SRGAP2: variants seen among roughly 807,000 people sequenced by gnomAD.
The protein encoded by SRGAP2 is SLIT-ROBO Rho GTPase-activating protein 2.
In SRGAP2, 15 loss-of-function variants were observed where a neutral mutation model predicts 57.2. The observed-to-expected ratio is 0.26, with a 90% confidence interval of 0.18 to 0.40. The LOEUF is 0.40. Among genes scored for constraint, SRGAP2 ranks in the 10% least tolerant of loss-of-function variants. The probability of loss-of-function intolerance (pLI) is 1.00; values close to 1 mark genes in which losing one functional copy is unlikely to be tolerated. For synonymous variants in SRGAP2, 249 were observed against 248.0 expected, an observed-to-expected ratio of 1.00 and a Z score of -0.04; for missense variants, 520 against 669.6, an observed-to-expected ratio of 0.78 and a Z score of 2.47.
At chr1:206,299,916 CTCT>C (rs1245524136) in intron 2 of SRGAP2, among the ~76,000 whole-genome samples, 7 of 142,734 alleles carry the variant, frequency 4.9e-5, no homozygotes, top group African/African-American at 1.8e-4. Flanking sequence ...CTTCCTCTTC[CTCT>C]TCTTCTTTTT....
chr1:206,375,694 C>G lies in SRGAP2; in HGVS notation c.424-8320C>G, dbSNP rs182942366. On this transcript the variant is annotated intron_variant, in intron 4 of 22. Transcript: ENST00000573034. ...CCGTTAGCCTCTTCCTGACCCCACCCTGAACTCCCCTGAACTCCCACCCTT... is the reference window on the plus strand; with the variant it reads ...CCGTTAGCCTCTTCCTGACCCCACCGTGAACTCCCCTGAACTCCCACCCTT... 2.6e-3 allele frequency among the ~76,000 whole-genome samples: 391 copies of G among 152,144 alleles called. 2 individuals carry two copies. The highest frequency in any genetic ancestry group is 8.6e-3 in the African/African-American group (356 of 41,518).
At chr1:206,347,414 CA>C in intron 4 of SRGAP2, among the ~76,000 whole-genome samples, 1 of 149,350 alleles carries the variant, frequency 6.7e-6, no homozygotes, top group Admixed American at 6.6e-5. Context: ...CCCGTCTCTA[CA>C]AAAACACAAA....
At chr1:206,435,898 G>T (rs782297941) in intron 14 of SRGAP2, among the ~76,000 whole-genome samples, 1 of 151,902 alleles carries the variant, frequency 6.6e-6, no homozygotes, top group Non-Finnish European at 1.5e-5. Flanking sequence ...AGAAATTCTT[G>T]TGCACATTAT....
intron 4 of SRGAP2, among the ~76,000 whole-genome samples, chr1:206,373,692 GCCA>G (rs1414831426): frequency 1.5e-5 from 1 of 67,660 alleles, no homozygotes; most frequent in African/African-American, 6.1e-5. Flanking sequence ...CCGAGATGGC[GCCA>G]CTGCACTCCA....
chr1:206,386,920 C>T (rs1182021850), intron 5 of SRGAP2, among the ~76,000 whole-genome samples: 1 of 151,500 alleles, frequency 6.6e-6, no homozygotes, highest in Non-Finnish European at 1.5e-5. Context: ...GTCAGGAGAT[C>T]GAGACCATCC....
chr1:206,429,386 A>G (rs1661095303), intron 13 of SRGAP2, among the ~76,000 whole-genome samples: 1 of 152,270 alleles, frequency 6.6e-6, no homozygotes, highest in Non-Finnish European at 1.5e-5. Flanking sequence ...ATGTGAGAGC[A>G]TCATGGCCAA....
intron 2 of SRGAP2, among the ~76,000 whole-genome samples, chr1:206,302,051 C>A (rs1412175096): frequency 2.0e-5 from 3 of 151,900 alleles, no homozygotes; most frequent in Non-Finnish European, 2.9e-5. Context: ...AGCATTGTTG[C>A]AACTGTGCTA....
chr1:206,243,441 A>G (rs1668360188), intron 2 of SRGAP2, among the ~76,000 whole-genome samples: 1 of 151,974 alleles, frequency 6.6e-6, no homozygotes, highest in Non-Finnish European at 1.5e-5. Flanking sequence ...ATGGGGTGCT[A>G]TTCTTAGCTG....
Position 206,454,186 on chromosome 1 carries a change from G to C in SRGAP2, c.2361-692G>C. On this transcript the variant is annotated intron_variant, in intron 20 of 22. Transcript: ENST00000573034. The surrounding 1 kb of genome is among the most constrained non-coding windows in gnomAD (Gnocchi z 4.3). ...GTCTGCACCCTCCCAGCCTCTTCCC[G>C]GCTCGTTCTGCAGGGAAATCCTCCC... The C allele has an allele frequency of 1.4e-6, 1 of 702,188 alleles. No individual in the cohort carries two copies. Among genetic ancestry groups the C allele is most frequent in the Non-Finnish European group, 2.6e-6 (1 of 384,850 alleles). The allele number at this position is 702,188 out of a possible 1,614,324, so 43.5% of individuals were successfully genotyped here. A position where few individuals can be genotyped will look rare whatever the true frequency, so the allele number is the denominator to read the frequency against.
chr1:206,445,727 C>T (rs1483179339), intron 17 of SRGAP2, among the ~76,000 whole-genome samples: 1 of 152,182 alleles, frequency 6.6e-6, no homozygotes, highest in Non-Finnish European at 1.5e-5. Flanking sequence ...CCATATTCAG[C>T]TCTGCAGAGT....
intron 13 of SRGAP2, among the ~76,000 whole-genome samples, chr1:206,426,935 C>T (rs140455197): frequency 1.2e-4 from 18 of 152,092 alleles, no homozygotes; most frequent in Non-Finnish European, 4.4e-5. Context: ...CTCTGTTGAT[C>T]GTTTCCTTTG....
rs1224060252 is a variant in SRGAP2 at position 206,306,445 on chromosome 1, G to A, written c.260+2972G>A. 2.6e-5 allele frequency among the ~76,000 whole-genome samples: 4 copies of A among 152,294 alleles called. No individual in the cohort carries two copies. In the South Asian group the frequency reaches 6.2e-4, roughly 24 times the overall value. On this transcript the variant is annotated intron_variant, in intron 3 of 22. Coordinates refer to ENST00000573034, the MANE Select transcript of SRGAP2 (RefSeq NM_015326.5). ...CAGGAGTGAAGCTGCAGATCTTTGC[G>A]GTGAGTGTTACAGCTCATAAAAGCA...
At chr1:206,415,739 G>T (rs1659646041) in intron 10 of SRGAP2, 150 bp from the exon 11 acceptor site, 2 of 655,982 alleles carry the variant, frequency 3.0e-6, no homozygotes, top group Non-Finnish European at 5.5e-6. Flanking sequence ...CATATGATCA[G>T]TGCCTTAAAG....
Position 206,281,774 on chromosome 1 carries a change from G to A in SRGAP2, c.68-21507G>A, listed in dbSNP as rs1198955349. The stretch of plus-strand genomic sequence containing the variant: ...GCTGAGATCACACCACTGCACTCTA[G>A]CCTGGGTGACAAAGCAAGACTCTGT... On this transcript the variant is annotated intron_variant, in intron 2 of 22. Transcript: ENST00000573034. Among the ~76,000 whole-genome samples the A allele has an allele frequency of 7.4e-3, 831 of 112,236 alleles. 5 individuals carry two copies. Among genetic ancestry groups the A allele is most frequent in the Middle Eastern group, 0.016 (4 of 254 alleles). The allele number at this position is 112,236 out of a possible 152,430, so 73.6% of individuals were successfully genotyped here.
chr1:206,446,548 C>T (rs1662776295), intron 18 of SRGAP2, among the ~76,000 whole-genome samples: 1 of 152,198 alleles, frequency 6.6e-6, no homozygotes, highest in Non-Finnish European at 1.5e-5. Flanking sequence ...AAGATATTGA[C>T]AACATTAATT....
rs1216646517 is a variant in SRGAP2, at chr1:206,372,954, T to C, written c.424-11060T>C. Among the ~76,000 whole-genome samples the C allele has an allele frequency of 5.2e-4, 4 of 7,736 alleles. 1 individual carries two copies. Among genetic ancestry groups the C allele is most frequent in the Middle Eastern group, 0.029 (1 of 34 alleles). The allele number at this position is 7,736 out of a possible 152,430, so 5.1% of individuals were successfully genotyped here. On this transcript the variant is annotated intron_variant, in intron 4 of 22. Coordinates refer to ENST00000573034, the MANE Select transcript of SRGAP2 (RefSeq NM_015326.5). ...TTCTTTCTTTCTTTCTTTCTTTCTTTCTTTTCTTTCCTTTCTTTCTTTCTT... is the reference window on the plus strand; with the variant it reads ...TTCTTTCTTTCTTTCTTTCTTTCTTCCTTTTCTTTCCTTTCTTTCTTTCTT...
chr1:206,230,110 C>T (rs80172280), intron 2 of SRGAP2, among the ~76,000 whole-genome samples: 9 of 152,184 alleles, frequency 5.9e-5, no homozygotes, highest in African/African-American at 2.2e-4. Context: ...TTTGTCCCTT[C>T]GTAAACTGAT....
In SRGAP2 at chr1:206,461,120, G is replaced by A. The variant is rs1553380446; in HGVS notation, c.2916G>A (p.Val972=). 2 of 779,996 alleles carry A rather than the reference G, an allele frequency of 2.6e-6. No individual in the cohort carries two copies. The highest frequency in any genetic ancestry group is 3.4e-5 in the Admixed American group (2 of 58,980). The allele number at this position is 779,996 out of a possible 1,614,324, so 48.3% of individuals were successfully genotyped here. ...RQSSVKHTPD[V]VLDTLEPLKT... is the part of the protein sequence containing the mutation. The stretch of plus-strand genomic sequence containing the variant: ...GCAGTGTCAAACACACCCCTGACGT[G>A]GTTCTGGACACCTTGGAGCCCCTCA... Residue 972 remains valine, a synonymous_variant, in exon 23 of 23, where the codon GTG becomes GTA. Coordinates refer to ENST00000573034, the MANE Select transcript of SRGAP2 (RefSeq NM_015326.5).
chr1:206,426,556 G>GT lies in SRGAP2; in HGVS notation c.1495-3599dup, dbSNP rs200001349. ...TAGTTTCTTGAGGAGCTTCCATACT[G>GT]TTTTTTTGCGGTAGCTGTTCTAATT... On this transcript the variant is annotated intron_variant, in intron 13 of 22. Transcript: ENST00000573034. Among the ~76,000 whole-genome samples the GT allele has an allele frequency of 3.2e-3, 491 of 152,274 alleles. 11 individuals are homozygous for GT. The East Asian group carries it at 0.049, about 15-fold the overall frequency.
Sources: gnomAD v4.1 joint callset for allele counts (sites outside exome capture counted in the v4.1 genomes callset) on GRCh38, gnomAD v4.1.1 for gene constraint, Gnocchi (gnomAD v3.1) non-coding constraint, MANE v1.5 for transcripts, NCBI Gene and HGNC (gene_info 2026-07-23, HGNC 2026-07-21) for gene names.